Variants in AMY2B observed in about 807,000 individuals in gnomAD.
AMY2B encodes alpha-amylase 2B.
AMY2B carries 63 observed loss-of-function variants against 59.3 expected under a neutral mutation model. That is an observed-to-expected ratio of 1.06 (90% CI 0.87 to 1.31). The LOEUF is 1.31. Ranked by LOEUF, AMY2B falls within the 50% of genes most tolerant of loss-of-function variation. AMY2B has a pLI of 0.00. For missense variants in AMY2B, 635 were observed against 626.7 expected, an observed-to-expected ratio of 1.01 and a Z score of -0.14; for synonymous variants, 180 against 198.1, an observed-to-expected ratio of 0.91 and a Z score of 0.77.
intron 4 of AMY2B, 143 bp downstream of exon 4, chr1:103,574,081 A>C: frequency 3.3e-6 from 5 of 1,508,084 alleles, no homozygotes; most frequent in Non-Finnish European, 4.4e-6. Context: ...CTTCACATAC[A>C]GCATATCTAA....
chr1:103,555,699 G>A (rs1377579594), intron 1 of AMY2B, among the ~76,000 whole-genome samples: 3 of 152,126 alleles, frequency 2.0e-5, no homozygotes. Flanking sequence ...AGGAGTAAGG[G>A]TATTCAAGAG....
At chr1:103,556,057 TTTTG>T (rs1262169084) in intron 1 of AMY2B, among the ~76,000 whole-genome samples, 1 of 152,094 alleles carries the variant, frequency 6.6e-6, no homozygotes. Context: ...CATGTCAAAT[TTTTG>T]TTATATTTTC....
chr1:103,579,413 C>A lies in AMY2B; in HGVS notation c.1449C>A (p.Tyr483Ter), dbSNP rs113020975. ...INGNCTGIKIYVSDDGKAHFS... is the reference protein window; with the variant it reads ...INGNCTGIKI ...GCAATTGCACAGGCATTAAAATCTA[C>A]GTTTCTGACGATGGCAAAGCTCATT... Residue 483 changes from tyrosine (Y) to a stop codon, truncating the protein, a stop_gained, in exon 10 of 10, where the codon TAC becomes TAA. Transcript: ENST00000684275. LOFTEE classifies it high-confidence loss of function. The A allele has an allele frequency of 6.2e-7, 1 of 1,611,718 alleles. No homozygotes were observed. The highest frequency in any genetic ancestry group is 2.2e-5 in the East Asian group (1 of 44,850).
Position 103,579,389 on chromosome 1 carries a change from C to G in AMY2B, c.1425C>G (p.Gly475=). ...TCATTTCTGGAGATAAAATTAATGG[C>G]AATTGCACAGGCATTAAAATCTACG... ...CDVISGDKIN[G]NCTGIKIYVS... Residue 475 remains glycine (G), a synonymous_variant, in exon 10 of 10, where the codon GGC becomes GGG. Transcript: ENST00000684275. 1 of 1,611,750 alleles carries G rather than the reference C, an allele frequency of 6.2e-7. No individual in the cohort carries two copies. Among genetic ancestry groups the G allele is most frequent in the Non-Finnish European group, 8.5e-7 (1 of 1,179,710 alleles).
At position 103,577,789 on chromosome 1, in the gene AMY2B, C is replaced by A; in HGVS notation, c.1290C>A (p.Asn430Lys). 6.2e-7 allele frequency: 1 copy of A among 1,607,550 alleles called. No individual in the cohort carries two copies. Among genetic ancestry groups the A allele is most frequent in the Non-Finnish European group, 8.5e-7 (1 of 1,179,738 alleles). The change falls in exon 9 of 10, where the codon AAC (asparagine) becomes AAA (lysine). Residue 430 changes from asparagine to lysine, a missense_variant. Physicochemically the swap from Asn to Lys is moderately conservative, Grantham distance 94. Transcript: ENST00000684275. ...CAAACTGGTATGATAATGGGAGCAA[C>A]CAAGTGGCTTTTGGGAGAGGAAACA... is the stretch of plus-strand genomic sequence containing the variant. ...PFTNWYDNGS[N>K]QVAFGRGNRG...
intron 2 of AMY2B, 50 bp downstream of exon 2, chr1:103,572,306 C>T: frequency 1.9e-6 from 3 of 1,595,542 alleles, no homozygotes; most frequent in Non-Finnish European, 2.6e-6. Context: ...AAAATGATTT[C>T]TCTCTCTTCT....
At chr1:103,555,175 A>G (rs1356985650) in intron 1 of AMY2B, 1 of 152,114 alleles carries the variant, frequency 6.6e-6, no homozygotes, top group East Asian at 1.9e-4. Context: ...AGTGAATTGG[A>G]AACATATTAC....
chr1:103,570,047 AT>A (rs1436676314), upstream of AMY2B: 1 of 435,180 alleles, frequency 2.3e-6, no homozygotes, highest in East Asian at 5.5e-5. Context: ...GTGCCCATCT[AT>A]AAGGGCTACG....
chr1:103,559,870 A>T (rs956943162), intron 1 of AMY2B, among the ~76,000 whole-genome samples: 1 of 152,170 alleles, frequency 6.6e-6, no homozygotes, highest in African/African-American at 2.4e-5. Context: ...TGTAAGGGCA[A>T]TTTTGCATAA....
At chr1:103,579,071 C>T (rs1237158455) in intron 9 of AMY2B, among the ~76,000 whole-genome samples, 3 of 152,178 alleles carry the variant, frequency 2.0e-5, no homozygotes, top group Non-Finnish European at 4.4e-5. Context: ...CAGTGATATT[C>T]TTCAACTTTG....
At chr1:103,571,257 T>C (rs1652119616), upstream of AMY2B, 6 of 708,966 alleles carry the variant, frequency 8.5e-6, no homozygotes, top group Non-Finnish European at 1.2e-5. Flanking sequence ...TTATGTAAAG[T>C]TTTTTTGTAT....
At chr1:103,572,306 C>A (rs745461821) in intron 2 of AMY2B, 50 bp downstream of exon 2, 7 of 1,595,424 alleles carry the variant, frequency 4.4e-6, no homozygotes, top group African/African-American at 1.3e-5. Context: ...AAAATGATTT[C>A]TCTCTCTTCT....
intron 1 of AMY2B, among the ~76,000 whole-genome samples, chr1:103,557,923 G>C (rs1570634024): frequency 6.6e-6 from 1 of 152,214 alleles, no homozygotes; most frequent in East Asian, 1.9e-4. Flanking sequence ...TCGAAGGAAA[G>C]GATGGAGGTG....
At chr1:103,559,351 A>G (rs1272023163) in intron 1 of AMY2B, among the ~76,000 whole-genome samples, 1 of 152,202 alleles carries the variant, frequency 6.6e-6, no homozygotes, top group African/African-American at 2.4e-5. Flanking sequence ...GGAATAGGCT[A>G]TGCCATCTAC....
At chr1:103,575,732 G>A in intron 7 of AMY2B, 192 bp downstream of exon 7, 1 of 864,042 alleles carries the variant, frequency 1.2e-6, no homozygotes, top group East Asian at 3.1e-5. Context: ...CAAAGAGTAT[G>A]CAAGCCTTTT....
intron 2 of AMY2B, 59 bp downstream of exon 2, chr1:103,572,315 C>G (rs1461706278): frequency 1.3e-6 from 2 of 1,575,100 alleles, no homozygotes; most frequent in East Asian, 4.5e-5. Flanking sequence ...TCTCTCTCTT[C>G]TTTCTTGCTC....
At chr1:103,570,879 G>C (rs1231212239), upstream of AMY2B, 1 of 386,442 alleles carries the variant, frequency 2.6e-6, no homozygotes, top group Admixed American at 3.1e-5. Flanking sequence ...CAAGTTAACT[G>C]TTCCCCTTGG....
At position 103,574,395 on chromosome 1, in the gene AMY2B, T is replaced by G. The variant is rs1201269812; in HGVS notation, c.878+2T>G. ...TGGAGAGAAGATGTCTTACCTAAAGTAAATAAATACAACTTTTCCCCTGAA... is the reference window on the plus strand; with the variant it reads ...TGGAGAGAAGATGTCTTACCTAAAGGAAATAAATACAACTTTTCCCCTGAA... On this transcript the variant is annotated splice_donor_variant, in intron 5 of 9. Transcript: ENST00000684275. LOFTEE classifies it high-confidence loss of function. The G allele has an allele frequency of 1.2e-6, 2 of 1,611,146 alleles. No homozygotes were observed. The highest frequency in any genetic ancestry group is 1.7e-6 in the Non-Finnish European group (2 of 1,179,622).
At position 103,572,344 on chromosome 1, in the gene AMY2B, TC is replaced by T. The variant is rs1652169338; in HGVS notation, c.315+90del. 14 of 1,535,554 alleles carry T rather than the reference TC, an allele frequency of 9.1e-6. No homozygotes were observed. The South Asian group carries it at 1.7e-4, about 19-fold the overall frequency. ...CTTGCTCCTTTTCAGCAGAAAGTTT[TC>T]CATATTTTATTTTTTTAATTTTACT... On this transcript the variant is annotated intron_variant, in intron 2 of 9. Transcript: ENST00000684275.
Sources: gnomAD v4.1 joint callset for allele counts (sites outside exome capture counted in the v4.1 genomes callset) on GRCh38, gnomAD v4.1.1 for gene constraint, MANE v1.5 for transcripts, NCBI Gene and HGNC (gene_info 2026-07-23, HGNC 2026-07-21) for gene names.